PARD3B: variants seen among roughly 807,000 people sequenced by gnomAD.
PARD3B encodes par-3 family cell polarity regulator beta.
In PARD3B, 103 loss-of-function variants were observed where a neutral mutation model predicts 130.2. The ratio of observed to expected loss-of-function variants is 0.79; its 90% CI spans 0.67 to 0.93. The LOEUF (loss-of-function observed/expected upper bound fraction) is 0.93, where lower values mean the gene tolerates loss of function less well. Among genes scored for constraint, PARD3B ranks in the 40% least tolerant of loss-of-function variants. The pLI is 0.00. For synonymous variants in PARD3B, 583 were observed against 553.2 expected, an observed-to-expected ratio of 1.05 and a Z score of -0.76; for missense variants, 1,609 against 1,499.2, an observed-to-expected ratio of 1.07 and a Z score of -1.21.
intron 11 of PARD3B, among the ~76,000 whole-genome samples, chr2:205,171,639 C>T (rs2035178955): frequency 6.6e-6 from 1 of 152,200 alleles, no homozygotes. Context: ...CCCTTTTCTA[C>T]ACACCTCTGT....
In PARD3B at chr2:204,618,517, A is replaced by G. The variant is rs190016703; in HGVS notation, c.121-67664A>G. 2.6e-3 allele frequency among the ~76,000 whole-genome samples: 393 copies of G among 152,326 alleles called. 2 individuals are homozygous for G. The highest frequency in any genetic ancestry group is 9.2e-3 in the African/African-American group (382 of 41,584). ...CTTAGTGGACATGTCCACAACTGCA[A>G]CAGTGACAGTGTCACCTGAAAGTTT... is the stretch of plus-strand genomic sequence containing the variant. On this transcript the variant is annotated intron_variant, in intron 1 of 22. Coordinates refer to ENST00000406610, the MANE Select transcript of PARD3B (RefSeq NM_001302769.2).
At chr2:204,820,071 CTT>C (rs557143420) in intron 2 of PARD3B, among the ~76,000 whole-genome samples, 1,420 of 98,370 alleles carry the variant, frequency 0.014, 35 homozygotes, top group African/African-American at 0.059. Flanking sequence ...AAACAATAGA[CTT>C]TTTTTTTTTT....
intron 2 of PARD3B, among the ~76,000 whole-genome samples, chr2:204,763,338 G>T (rs1363114324): frequency 6.6e-6 from 1 of 151,958 alleles, no homozygotes; most frequent in Non-Finnish European, 1.5e-5. Context: ...CTTTTAATTT[G>T]GTTTTACAGA....
intron 2 of PARD3B, among the ~76,000 whole-genome samples, chr2:204,808,085 A>G (rs1421665453): frequency 6.6e-6 from 1 of 152,084 alleles, no homozygotes; most frequent in Non-Finnish European, 1.5e-5. Context: ...CTATAAATAT[A>G]TATATCTACT....
chr2:205,457,871 A>G (rs559745212), intron 20 of PARD3B, among the ~76,000 whole-genome samples: 41 of 152,286 alleles, frequency 2.7e-4, no homozygotes, highest in African/African-American at 9.9e-4. Flanking sequence ...GAGCACTGAC[A>G]TTATGTTCAA....
intron 2 of PARD3B, among the ~76,000 whole-genome samples, chr2:204,877,507 G>C (rs186900308): frequency 6.6e-6 from 1 of 152,230 alleles, no homozygotes; most frequent in African/African-American, 2.4e-5. Flanking sequence ...CCAGACTAGC[G>C]TATGTGCAGT....
chr2:205,587,233 G>C (rs1289031348), intron 22 of PARD3B, among the ~76,000 whole-genome samples: 1 of 152,188 alleles, frequency 6.6e-6, no homozygotes, highest in African/African-American at 2.4e-5. Context: ...AGAAGTCACT[G>C]GTCATGAGGC....
chr2:204,877,063 A>C (rs1312075880), intron 2 of PARD3B, among the ~76,000 whole-genome samples: 1 of 152,216 alleles, frequency 6.6e-6, no homozygotes, highest in Admixed American at 6.5e-5. Flanking sequence ...CTATGCAGCC[A>C]TAAAAAATGA....
chr2:205,272,333 G>A (rs897565775), intron 16 of PARD3B, among the ~76,000 whole-genome samples: 17 of 151,672 alleles, frequency 1.1e-4, no homozygotes, highest in African/African-American at 2.7e-4. Context: ...CTGTCCCCTC[G>A]TTTCTATAAT....
At chr2:204,992,558 C>A (rs1284292463) in intron 3 of PARD3B, among the ~76,000 whole-genome samples, 1 of 144,572 alleles carries the variant, frequency 6.9e-6, no homozygotes, top group Admixed American at 7.0e-5. Flanking sequence ...CTTGGCGATG[C>A]GGGCTCTTTT....
intron 2 of PARD3B, among the ~76,000 whole-genome samples, chr2:204,722,216 G>A (rs1032079149): frequency 6.6e-6 from 1 of 152,162 alleles, no homozygotes; most frequent in Non-Finnish European, 1.5e-5. Flanking sequence ...ATTGGATCCT[G>A]TAGATTGAGT....
At chr2:205,109,039 C>T (rs1703437314) in intron 5 of PARD3B, among the ~76,000 whole-genome samples, 1 of 151,950 alleles carries the variant, frequency 6.6e-6, no homozygotes, top group Admixed American at 6.6e-5. Context: ...TCACAACCTT[C>T]CCCTTAGATT....
At chr2:204,833,386 C>T (rs565273680) in intron 2 of PARD3B, among the ~76,000 whole-genome samples, 1 of 152,250 alleles carries the variant, frequency 6.6e-6, no homozygotes, top group South Asian at 2.1e-4. Flanking sequence ...CCTGTAAAGA[C>T]TCTGCTTCCC....
At chr2:204,691,706 A>C (rs2037362617) in intron 2 of PARD3B, among the ~76,000 whole-genome samples, 1 of 152,120 alleles carries the variant, frequency 6.6e-6, no homozygotes, top group Non-Finnish European at 1.5e-5. Flanking sequence ...GTGCTATTAC[A>C]GTATTTTTAA....
intron 15 of PARD3B, among the ~76,000 whole-genome samples, chr2:205,236,774 G>A (rs2039080205): frequency 6.6e-6 from 1 of 152,068 alleles, no homozygotes; most frequent in Non-Finnish European, 1.5e-5. Context: ...ATCATATGGT[G>A]GACACATCAC....
intron 1 of PARD3B, among the ~76,000 whole-genome samples, chr2:204,638,845 T>C (rs866409989): frequency 6.6e-6 from 1 of 152,350 alleles, no homozygotes; most frequent in Middle Eastern, 3.4e-3. Flanking sequence ...CCTTTGAAGC[T>C]GAAAGCATTA....
intron 15 of PARD3B, among the ~76,000 whole-genome samples, chr2:205,213,682 A>G (rs967358223): frequency 4.6e-5 from 7 of 152,180 alleles, no homozygotes; most frequent in African/African-American, 1.7e-4. Context: ...ATGAGGATAA[A>G]GGTAGCCCAG....
At chr2:205,285,395 G>T (rs2041354751) in intron 16 of PARD3B, among the ~76,000 whole-genome samples, 1 of 152,118 alleles carries the variant, frequency 6.6e-6, no homozygotes, top group Non-Finnish European at 1.5e-5. Context: ...GCTAGGGCAT[G>T]GTATAGATAT....
At chr2:204,832,588 G>A (rs2043868946) in intron 2 of PARD3B, among the ~76,000 whole-genome samples, 1 of 152,174 alleles carries the variant, frequency 6.6e-6, no homozygotes, top group Non-Finnish European at 1.5e-5. Context: ...TGTGCAGAAG[G>A]AGGTGCAGTG....
Sources: allele counts gnomAD v4.1 joint callset (sites outside exome capture counted in the v4.1 genomes callset), GRCh38; gene constraint gnomAD v4.1.1; transcripts MANE v1.5; gene names NCBI Gene and HGNC (gene_info 2026-07-23, HGNC 2026-07-21).